DLGAP2: variants seen among roughly 807,000 people sequenced by gnomAD.
DLGAP2 encodes the protein DLG associated protein 2.
In DLGAP2, 26 loss-of-function variants were observed where a neutral mutation model predicts 100.3. That is an observed-to-expected ratio of 0.26 (90% CI 0.19 to 0.36). The LOEUF (loss-of-function observed/expected upper bound fraction) is 0.36, where lower values mean the gene tolerates loss of function less well. Ranked by LOEUF, DLGAP2 falls within the 10% of genes least tolerant of loss-of-function variation. The probability of loss-of-function intolerance (pLI) is 1.00; values close to 1 mark genes in which losing one functional copy is unlikely to be tolerated. For missense variants in DLGAP2, 1,858 were observed against 1,453.2 expected, an observed-to-expected ratio of 1.28 and a Z score of -4.53; for synonymous variants, 886 against 630.1, an observed-to-expected ratio of 1.41 and a Z score of -6.08.
intron 3 of DLGAP2, among the ~76,000 whole-genome samples, chr8:1,315,195 C>G (rs559551127): frequency 6.6e-6 from 1 of 152,360 alleles, no homozygotes; most frequent in Admixed American, 6.5e-5. Flanking sequence ...ACTCAAGAAA[C>G]TCGGCAGCTT....
intron 1 of DLGAP2, among the ~76,000 whole-genome samples, chr8:889,074 G>A (rs1317336545): frequency 6.6e-6 from 1 of 152,192 alleles, no homozygotes; most frequent in Non-Finnish European, 1.5e-5. Context: ...GGGCAGACTG[G>A]AGGTCACAAG....
chr8:1,266,765 G>A (rs528674482), intron 3 of DLGAP2, among the ~76,000 whole-genome samples: 76 of 152,110 alleles, frequency 5.0e-4, no homozygotes, highest in Non-Finnish European at 9.3e-4. Context: ...ATATGTGTTT[G>A]TGTGTGTGTT....
intron 3 of DLGAP2, among the ~76,000 whole-genome samples, chr8:1,349,128 C>A (rs776499694): frequency 1.3e-5 from 2 of 151,176 alleles, no homozygotes; most frequent in African/African-American, 2.4e-5. Context: ...CCAGCAAGCC[C>A]ATCAGGTCTC....
intron 3 of DLGAP2, among the ~76,000 whole-genome samples, chr8:1,483,664 G>GCAGGGAGGCAGGTGCAGGACGTGGGGAC (rs1799163408): frequency 8.2e-6 from 1 of 121,996 alleles, no homozygotes; most frequent in Admixed American, 8.1e-5. Flanking sequence ...TCTACACAGA[G>GCAGGGAGGCAGGTGCAGGACGTGGGGAC]CAGGGAGGCA....
At chr8:1,183,372 T>A (rs906282870) in intron 2 of DLGAP2, among the ~76,000 whole-genome samples, 1 of 152,240 alleles carries the variant, frequency 6.6e-6, no homozygotes, top group African/African-American at 2.4e-5. Flanking sequence ...ATTATAGATG[T>A]GGCAGTGCTT....
At chr8:878,654 C>T (rs571956706) in intron 1 of DLGAP2, among the ~76,000 whole-genome samples, 10 of 152,228 alleles carry the variant, frequency 6.6e-5, no homozygotes, top group South Asian at 4.1e-4. Flanking sequence ...GTTTGGTCCA[C>T]GAGGGACCCT....
At chr8:1,246,222 A>T (rs1798898205) in intron 2 of DLGAP2, among the ~76,000 whole-genome samples, 1 of 152,218 alleles carries the variant, frequency 6.6e-6, no homozygotes, top group Non-Finnish European at 1.5e-5. Context: ...CAAAAGTAAT[A>T]AATTAAGGTG....
chr8:1,508,584 C>G (rs912075339), intron 4 of DLGAP2, among the ~76,000 whole-genome samples: 1 of 137,106 alleles, frequency 7.3e-6, no homozygotes, highest in Non-Finnish European at 1.6e-5. Context: ...TCCATTCAAA[C>G]AGCAATTGCT....
At chr8:938,612 A>G (rs1799126368) in intron 2 of DLGAP2, among the ~76,000 whole-genome samples, 2 of 152,224 alleles carry the variant, frequency 1.3e-5, no homozygotes, top group African/African-American at 4.8e-5. Context: ...ACTGCAAGAA[A>G]GAGGCTTGGA....
intron 2 of DLGAP2, among the ~76,000 whole-genome samples, chr8:1,052,615 G>T (rs1044844275): frequency 6.6e-6 from 1 of 152,098 alleles, no homozygotes; most frequent in African/African-American, 2.4e-5. Flanking sequence ...GATGGCTGGG[G>T]GATCATTAGC....
chr8:790,968 C>T (rs1822010373), intron 1 of DLGAP2, among the ~76,000 whole-genome samples: 1 of 152,116 alleles, frequency 6.6e-6, no homozygotes, highest in Non-Finnish European at 1.5e-5. Flanking sequence ...GTCTAGAACC[C>T]CTGACTTCAA....
At chr8:1,511,733 A>G (rs143501078) in intron 4 of DLGAP2, among the ~76,000 whole-genome samples, 708 of 145,836 alleles carry the variant, frequency 4.9e-3, no homozygotes, top group African/African-American at 0.017. Context: ...GTGTAAGACA[A>G]TCAATAGATG....
chr8:1,479,725 G>A (rs1282810831), intron 3 of DLGAP2, among the ~76,000 whole-genome samples: 1 of 152,172 alleles, frequency 6.6e-6, no homozygotes, highest in Non-Finnish European at 1.5e-5. Flanking sequence ...TTGATTTCAA[G>A]GTAGTCTTTT....
chr8:1,188,711 G>T (rs910343209), intron 2 of DLGAP2, among the ~76,000 whole-genome samples: 6 of 152,280 alleles, frequency 3.9e-5, no homozygotes, highest in Admixed American at 3.3e-4. Flanking sequence ...TTGGCAAGCA[G>T]ATGAACAGTA....
At chr8:1,243,881 C>T (rs536614768) in intron 2 of DLGAP2, among the ~76,000 whole-genome samples, 19 of 152,354 alleles carry the variant, frequency 1.2e-4, no homozygotes, top group Admixed American at 1.0e-3. Context: ...ATGATTAAGT[C>T]CAGTGCCTCA....
intron 1 of DLGAP2, among the ~76,000 whole-genome samples, chr8:747,478 G>A (rs1185567400): frequency 6.7e-6 from 1 of 149,064 alleles, no homozygotes; most frequent in African/African-American, 2.5e-5. Flanking sequence ...GCTGGGACAG[G>A]CCACGTTCCA....
At chr8:1,085,490 G>C (rs1458317558) in intron 2 of DLGAP2, among the ~76,000 whole-genome samples, 1 of 152,122 alleles carries the variant, frequency 6.6e-6, no homozygotes, top group African/African-American at 2.4e-5. Context: ...TGCAGTTTCA[G>C]TTCTGATGTG....
Position 1,073,608 on chromosome 8 carries a change from A to G in DLGAP2, c.73+165642A>G, listed in dbSNP as rs1266253156. Among the ~76,000 whole-genome samples, 4 of 152,202 alleles carry G rather than the reference A, an allele frequency of 2.6e-5. No homozygotes were observed. In the East Asian group the frequency reaches 7.7e-4, roughly 29 times the overall value. On this transcript the variant is annotated intron_variant, in intron 2 of 14. Transcript: ENST00000637795. ...ACTGTGTCATAGTTCCTTGAGTGAA[A>G]TGGTGGAACGTGGCACAGACATGTG...
intron 2 of DLGAP2, among the ~76,000 whole-genome samples, chr8:1,192,238 C>G (rs2116732527): frequency 6.6e-6 from 1 of 152,288 alleles, no homozygotes; most frequent in East Asian, 1.9e-4. Context: ...CAGGTGCCAG[C>G]TGAGCTGGGC....
Sources: allele counts gnomAD v4.1 joint callset (sites outside exome capture counted in the v4.1 genomes callset), GRCh38; gene constraint gnomAD v4.1.1; transcripts MANE v1.5; gene names NCBI Gene and HGNC (gene_info 2026-07-23, HGNC 2026-07-21).